The following FBN2 variants were observed in gnomAD, a reference collection of about 807,000 sequenced individuals.
The protein encoded by FBN2 is fibrillin-2.
Under a neutral mutation model 355.6 loss-of-function variants are expected in FBN2, and 105 were observed. The ratio of observed to expected loss-of-function variants is 0.30; its 90% CI spans 0.25 to 0.35. The LOEUF (loss-of-function observed/expected upper bound fraction) is 0.35, where lower values mean the gene tolerates loss of function less well. Among genes scored for constraint, FBN2 ranks in the 10% least tolerant of loss-of-function variants. The pLI is 1.00. For missense variants in FBN2, 3,280 were observed against 3,758.7 expected (o/e 0.87, Z 3.33); for synonymous variants, 1,350 against 1,301.2 (o/e 1.04, Z -0.81).
intron 5 of FBN2, among the ~76,000 whole-genome samples, chr5:128,465,213 C>T (rs1014073365): frequency 4.5e-4 from 69 of 152,140 alleles, no homozygotes; most frequent in African/African-American, 1.7e-3. Flanking sequence ...AAATTAGTAG[C>T]CAACATTGTA....
chr5:128,311,787 T>C, intron 38 of FBN2, 98 bp downstream of exon 38: 1 of 842,100 alleles, frequency 1.2e-6, no homozygotes, highest in Non-Finnish European at 2.0e-6. Flanking sequence ...TACTAAATTA[T>C]CTTGTCGGGG....
intron 7 of FBN2, among the ~76,000 whole-genome samples, chr5:128,414,569 T>C (rs1753148513): frequency 6.6e-6 from 1 of 152,174 alleles, no homozygotes; most frequent in Admixed American, 6.5e-5. Context: ...TTTTTGGCTA[T>C]TATAAATAAA....
Position 128,536,493 on chromosome 5 carries a change from G to T in FBN2, c.255-9C>A, listed in dbSNP as rs755610845. 6.8e-6 allele frequency: 11 copies of T among 1,611,184 alleles called. No homozygotes were observed. Among genetic ancestry groups the T allele is most frequent in the Non-Finnish European group, 9.3e-6 (11 of 1,177,960 alleles). ...AGCCGCACACGTTGGGCCTGTGATGGACAAGCGCGGTCACGTAACAGATAG... is the reference window on the plus strand; with the variant it reads ...AGCCGCACACGTTGGGCCTGTGATGTACAAGCGCGGTCACGTAACAGATAG... On this transcript the variant is annotated splice_polypyrimidine_tract_variant and intron_variant, in intron 1 of 64. Coordinates refer to ENST00000262464, the MANE Select transcript of FBN2 (RefSeq NM_001999.4).
At chr5:128,290,187 A>G (rs1489552287) in intron 50 of FBN2, among the ~76,000 whole-genome samples, 1 of 152,224 alleles carries the variant, frequency 6.6e-6, no homozygotes, top group Non-Finnish European at 1.5e-5. Flanking sequence ...AAAGCTGAGC[A>G]GCTAAAGAGA....
rs957954460 is a variant in FBN2 at position 128,423,402 on chromosome 5, C to A, written c.953-14603G>T. ...AGCAAAGTCACATCTTACATGGTAG[C>A]AGGCAAGAGAACATGTGTAAGGGAA... On this transcript the variant is annotated intron_variant, in intron 7 of 64. Transcript: ENST00000262464. 2.6e-5 allele frequency among the ~76,000 whole-genome samples: 4 copies of A among 152,238 alleles called. 1 individual carries two copies. Among genetic ancestry groups the A allele is most frequent in the African/African-American group, 9.6e-5 (4 of 41,556 alleles).
chr5:128,528,076 A>G, intron 3 of FBN2, 109 bp from the exon 4 acceptor site: 1 of 749,622 alleles, frequency 1.3e-6, no homozygotes, highest in South Asian at 1.5e-5. Flanking sequence ...TGACAATTAT[A>G]TCTTACAGAA....
intron 4 of FBN2, among the ~76,000 whole-genome samples, chr5:128,524,063 G>A (rs778062165): frequency 2.5e-4 from 38 of 151,832 alleles, no homozygotes; most frequent in Non-Finnish European, 4.6e-4. Flanking sequence ...TTTGTTCCTT[G>A]GCCTACTACA....
intron 64 of FBN2, 104 bp downstream of exon 64, chr5:128,261,632 A>T: frequency 1.1e-6 from 1 of 948,592 alleles, no homozygotes; most frequent in Non-Finnish European, 1.7e-6. Context: ...ATTAAATTCA[A>T]GGTATGATTA....
In FBN2 at chr5:128,318,215, G is replaced by C; in HGVS notation, c.4651C>G (p.Pro1551Ala). Reference sequence around the variant, plus strand: ...GGGCAGTTACACTCATAGCGACCAGGCGTGTTGACACATAGGCCATTGACA... The same window carrying C: ...GGGCAGTTACACTCATAGCGACCAGCCGTGTTGACACATAGGCCATTGACA... Reference protein sequence around the residue: ...NCVNGLCVNTPGRYECNCPPD... With the variant: ...NCVNGLCVNTAGRYECNCPPD... Residue 1551 changes from proline (P) to alanine (A), a missense_variant, in exon 36 of 65, where the codon CCT becomes GCT. Physicochemically the swap from Pro to Ala is conservative, Grantham distance 27. Coordinates refer to ENST00000262464, the MANE Select transcript of FBN2 (RefSeq NM_001999.4). The C allele has an allele frequency of 6.2e-7, 1 of 1,613,902 alleles. No homozygotes were observed. Among genetic ancestry groups the C allele is most frequent in the South Asian group, 1.1e-5 (1 of 91,080 alleles).
rs77426446 is a variant in FBN2 at position 128,361,353 on chromosome 5, G to A, written c.2554+370C>T. Among the ~76,000 whole-genome samples the A allele has an allele frequency of 3.8e-3, 572 of 152,172 alleles. 4 individuals carry two copies. The highest frequency in any genetic ancestry group is 0.013 in the African/African-American group (526 of 41,546). On this transcript the variant is annotated intron_variant, in intron 19 of 64. Coordinates refer to ENST00000262464, the MANE Select transcript of FBN2 (RefSeq NM_001999.4). ...GCCTAAGAGTTAACTTTTCCATTAC[G>A]ATTCAGGTTCCTACATTAATGGATC...
At chr5:128,263,959 G>A (rs182516391) in intron 62 of FBN2, among the ~76,000 whole-genome samples, 1 of 152,088 alleles carries the variant, frequency 6.6e-6, no homozygotes, top group Non-Finnish European at 1.5e-5. Flanking sequence ...TTAACAGAAG[G>A]TTACTTCAAA....
chr5:128,336,477 G>A (rs1250520510), intron 27 of FBN2, among the ~76,000 whole-genome samples: 2 of 152,188 alleles, frequency 1.3e-5, no homozygotes, highest in Non-Finnish European at 2.9e-5. Context: ...AGACCACACA[G>A]ATTTCACATA....
At chr5:128,455,990 C>CAGAAAAA (rs1754375950) in intron 6 of FBN2, among the ~76,000 whole-genome samples, 1 of 25,272 alleles carries the variant, frequency 4.0e-5, no homozygotes, top group African/African-American at 1.1e-4. Flanking sequence ...GGGTTAGCAA[C>CAGAAAAA]AAAAAAAAAA....
At chr5:128,486,154 T>A (rs529188167) in intron 5 of FBN2, among the ~76,000 whole-genome samples, 1 of 149,532 alleles carries the variant, frequency 6.7e-6, no homozygotes, top group Non-Finnish European at 1.5e-5. Flanking sequence ...TTTTACTCCT[T>A]AGACCTCTTT....
chr5:128,342,633 G>T (rs945617495), intron 25 of FBN2, among the ~76,000 whole-genome samples: 4 of 152,162 alleles, frequency 2.6e-5, no homozygotes, highest in African/African-American at 9.7e-5. Flanking sequence ...CAGAGCAGGA[G>T]CTGGGAAGGA....
At chr5:128,494,852 T>C (rs540229152) in intron 5 of FBN2, among the ~76,000 whole-genome samples, 20 of 152,310 alleles carry the variant, frequency 1.3e-4, no homozygotes, top group South Asian at 4.1e-4. Context: ...CAGTATCTTA[T>C]TTTAATGTAG....
intron 5 of FBN2, among the ~76,000 whole-genome samples, chr5:128,469,261 C>T (rs914103838): frequency 2.0e-5 from 3 of 152,136 alleles, no homozygotes; most frequent in African/African-American, 7.2e-5. Flanking sequence ...AAGCAAGGTG[C>T]ACCTAGGGTA....
At chr5:128,377,408 C>A (rs1292418792) in intron 13 of FBN2, among the ~76,000 whole-genome samples, 1 of 152,020 alleles carries the variant, frequency 6.6e-6, no homozygotes, top group African/African-American at 2.4e-5. Context: ...GTTGTAACCC[C>A]AACACCTGAA....
chr5:128,274,832 G>A (rs2126806170), intron 59 of FBN2, 149 bp from the exon 60 acceptor site: 1 of 674,830 alleles, frequency 1.5e-6, no homozygotes, highest in East Asian at 2.7e-5. Context: ...TAGGCATATG[G>A]CAAACAGTTT....
Sources: gnomAD v4.1 joint callset for allele counts (sites outside exome capture counted in the v4.1 genomes callset) on GRCh38, gnomAD v4.1.1 for gene constraint, MANE v1.5 for transcripts, NCBI Gene and HGNC (gene_info 2026-07-23, HGNC 2026-07-21) for gene names.